SNED1: variants seen among roughly 807,000 people sequenced by gnomAD.
The protein encoded by SNED1 is sushi, nidogen and EGF like domains 1, also known as sushi, nidogen and EGF-like domain-containing protein 1.
Under a neutral mutation model 166.7 loss-of-function variants are expected in SNED1, and 81 were observed. The ratio of observed to expected loss-of-function variants is 0.49; its 90% CI spans 0.41 to 0.58. The LOEUF (loss-of-function observed/expected upper bound fraction) is 0.58, where lower values mean the gene tolerates loss of function less well. Among genes scored for constraint, SNED1 ranks in the 20% least tolerant of loss-of-function variants. The probability of loss-of-function intolerance (pLI) is 0.00; values close to 1 mark genes in which losing one functional copy is unlikely to be tolerated. For synonymous variants in SNED1, 762 were observed against 822.0 expected (o/e 0.93, Z 1.25); for missense variants, 1,604 against 2,000.2 (o/e 0.80, Z 3.78).
At chr2:241,052,652 TA>T (rs1357674859) in intron 15 of SNED1, among the ~76,000 whole-genome samples, 184 bp downstream of exon 15, 1 of 67,356 alleles carries the variant, frequency 1.5e-5, no homozygotes. Flanking sequence ...CCAAGCAGGG[TA>T]CATGGGACAC....
At chr2:241,027,968 C>T (rs530882888) in intron 1 of SNED1, among the ~76,000 whole-genome samples, 156 of 152,160 alleles carry the variant, frequency 1.0e-3, no homozygotes, top group South Asian at 4.8e-3. Flanking sequence ...CTCCTGACCT[C>T]GTGATCCACC....
chr2:241,081,803 G>A lies in SNED1; in HGVS notation c.4033+10G>A, dbSNP rs2063340902. On this transcript the variant is annotated intron_variant, in intron 28 of 31. Coordinates refer to ENST00000310397, the MANE Select transcript of SNED1 (RefSeq NM_001080437.3). ...AGACGCTGCGAGCTCGGTAAGTCGG[G>A]GCTTGGCCTCAGGGCGCCCCTTCCA... The A allele has an allele frequency of 6.4e-7, 1 of 1,562,734 alleles. No homozygotes were observed. The highest frequency in any genetic ancestry group is 1.9e-5 in the Admixed American group (1 of 52,940).
At position 241,037,348 on chromosome 2, in the gene SNED1, A is replaced by C; in HGVS notation, c.1040A>C (p.Glu347Ala). Residue 347 changes from glutamate (E) to alanine (A), a missense_variant, in exon 6 of 32, where the codon GAG becomes GCG. Coordinates refer to ENST00000310397, the MANE Select transcript of SNED1 (RefSeq NM_001080437.3). ...GCTGGCTTTGGGGGACCCACCTGTG[A>C]GACAGGTAAGAGGAACCCACCGGGG... is the stretch of plus-strand genomic sequence containing the variant. ...CPAGFGGPTCETAQSPCDTKE... is the reference protein window; with the variant it reads ...CPAGFGGPTCATAQSPCDTKE... 1 of 1,604,304 alleles carries C rather than the reference A, an allele frequency of 6.2e-7. No homozygotes were observed. Among genetic ancestry groups the C allele is most frequent in the South Asian group, 1.1e-5 (1 of 89,332 alleles).
At chr2:241,034,270 C>T (rs1263767429) in intron 3 of SNED1, among the ~76,000 whole-genome samples, 4 of 152,200 alleles carry the variant, frequency 2.6e-5, no homozygotes, top group Non-Finnish European at 4.4e-5. Flanking sequence ...TCCCCAGGCC[C>T]GAGAGTGCCT....
rs910650033 is a variant in SNED1 at position 241,092,473 on chromosome 2, C to G, written c.*837C>G. ...GGCCCATGGGCCTTATTTGGTGAAC[C>G]CTGTTCTATGAGATCACCTAGGCTT... On this transcript the variant is annotated 3_prime_UTR_variant, in exon 32 of 32. Transcript: ENST00000310397. This position sits in a 1 kb window ranked among gnomAD's most constrained non-coding sequence, Gnocchi z 4.6. The G allele has an allele frequency of 4.6e-5, 7 of 152,132 alleles. No homozygotes were observed. Among genetic ancestry groups the G allele is most frequent in the African/African-American group, 9.7e-5 (4 of 41,422 alleles). The allele number at this position is 152,132 out of a possible 1,614,324, so 9.4% of individuals were successfully genotyped here. A position where few individuals can be genotyped will look rare whatever the true frequency, so the allele number is the denominator to read the frequency against.
At position 241,053,259 on chromosome 2, in the gene SNED1, G is replaced by A; in HGVS notation, c.2190G>A (p.Leu730=). 6.2e-7 allele frequency: 1 copy of A among 1,605,184 alleles called. No homozygotes were observed. Among genetic ancestry groups the A allele is most frequent in the Non-Finnish European group, 8.5e-7 (1 of 1,176,480 alleles). The change falls in exon 16 of 32, where the codon CTG becomes CTA. Residue 730 remains leucine, a synonymous_variant. Transcript: ENST00000310397. ...ATGCATGTGACCGTGGCTACAGCCT[G>A]AGCGCCCCCAGCCGCATCCGGGTCT... The part of the protein sequence containing the change: ...ALYACDRGYS[L]SAPSRIRVCQ...
At position 241,051,541 on chromosome 2, in the gene SNED1, G is replaced by A. The variant is rs536963523; in HGVS notation, c.1736-203G>A. On this transcript the variant is annotated intron_variant, in intron 12 of 31. Transcript: ENST00000310397. This position sits in a 1 kb window ranked among gnomAD's most constrained non-coding sequence, Gnocchi z 4.7. ...AAGCAAAGGGCCCACCTGTGACTGA[G>A]TTGGGGTCTCCAGCCTGTGAGCCCC... 8.9e-6 allele frequency: 4 copies of A among 449,316 alleles called. No homozygotes were observed. The South Asian group carries it at 1.7e-4, about 20-fold the overall frequency. 27.8% of individuals were successfully genotyped at this position (449,316 alleles called of 1,614,324 possible).
intron 1 of SNED1, among the ~76,000 whole-genome samples, chr2:241,017,393 C>T (rs1175900353): frequency 2.0e-5 from 3 of 152,244 alleles, no homozygotes; most frequent in East Asian, 3.9e-4. Context: ...AGTGGGTTTA[C>T]ATCACAGCCA....
rs1355918461 is a variant in SNED1, at chr2:241,071,615, G to A, written c.3629G>A (p.Gly1210Glu). ...DGADRRWHQG[G>E]HHPRVLKNRP... The stretch of plus-strand genomic sequence containing the variant: ...GCTGACAGACGCTGGCACCAGGGAG[G>A]ACACCACCCTCGGGTGCTCAAGAAC... Residue 1210 changes from glycine (G) to glutamate (E), a missense_variant, in exon 25 of 32, where the codon GGA becomes GAA. Physicochemically the swap from Gly to Glu is moderately conservative, Grantham distance 98 (BLOSUM62 -2). Transcript: ENST00000310397. The A allele has an allele frequency of 6.3e-7, 1 of 1,587,826 alleles. No individual in the cohort carries two copies. Among genetic ancestry groups the A allele is most frequent in the Non-Finnish European group, 8.5e-7 (1 of 1,174,336 alleles).
At chr2:241,082,221 G>A (rs2063362102) in intron 28 of SNED1, 56 bp from the exon 29 acceptor site, 1 of 1,425,908 alleles carries the variant, frequency 7.0e-7, no homozygotes, top group African/African-American at 1.4e-5. Context: ...CCTCTCAAGA[G>A]GGGCAGGAGG....
At chr2:241,024,348 C>T (rs1175674491) in intron 1 of SNED1, among the ~76,000 whole-genome samples, 2 of 139,822 alleles carry the variant, frequency 1.4e-5, no homozygotes, top group Non-Finnish European at 3.0e-5. Flanking sequence ...CAGGTTCAAG[C>T]AATTCTCCTG....
At chr2:241,009,817 G>A (rs920938328) in intron 1 of SNED1, among the ~76,000 whole-genome samples, 1 of 125,796 alleles carries the variant, frequency 7.9e-6, no homozygotes, top group Non-Finnish European at 1.5e-5. Context: ...TTCCCCGGAG[G>A]CGTCCCATGT....
chr2:241,036,502 G>A (rs1015474811), intron 4 of SNED1, among the ~76,000 whole-genome samples: 2 of 152,104 alleles, frequency 1.3e-5, no homozygotes, highest in African/African-American at 2.4e-5. Context: ...CCACGGCAGC[G>A]CTGAGAGGGA....
chr2:240,998,755 G>A lies in SNED1; in HGVS notation c.-83G>A. The A allele has an allele frequency of 1.7e-6, 1 of 591,882 alleles. No individual in the cohort carries two copies. The highest frequency in any genetic ancestry group is 2.1e-6 in the Non-Finnish European group (1 of 467,822). The allele number at this position is 591,882 out of a possible 1,614,324, so 36.7% of individuals were successfully genotyped here. The stretch of plus-strand genomic sequence containing the variant: ...GCCCGCGCTCCCCGCACCCCGCCTG[G>A]CCCTGCCGGCCACCCCCGCGCGCAG... On this transcript the variant is annotated 5_prime_UTR_variant, in exon 1 of 32. Coordinates refer to ENST00000310397, the MANE Select transcript of SNED1 (RefSeq NM_001080437.3).
intron 15 of SNED1, 34 bp from the exon 16 acceptor site, chr2:241,053,119 A>C: frequency 1.9e-6 from 3 of 1,589,118 alleles, no homozygotes; most frequent in Non-Finnish European, 2.6e-6. Context: ...AGGAAGGCAC[A>C]GGACCGTGCG....
intron 16 of SNED1, among the ~76,000 whole-genome samples, chr2:241,059,843 C>T (rs1174274923): frequency 6.6e-6 from 1 of 152,114 alleles, no homozygotes; most frequent in Non-Finnish European, 1.5e-5. Context: ...ACCTGGAATC[C>T]GTACAAGGCA....
Position 241,082,315 on chromosome 2 carries a change from T to C in SNED1, c.4072T>C (p.Ser1358Pro), listed in dbSNP as rs778680870. The change falls in exon 29 of 32, where the codon TCC becomes CCC. Residue 1358 changes from serine (S) to proline (P), a missense_variant. Around this residue, in one of 2 missense-constraint regions of SNED1, gnomAD observed 367 missense variants for 379.4 expected, o/e 0.97. Coordinates refer to ENST00000310397, the MANE Select transcript of SNED1 (RefSeq NM_001080437.3). ...KVSRPCTRLF[S>P]ETKAFPVWEG... is the part of the protein sequence containing the mutation. ...GTCCCGCCCCTGCACAAGGCTGTTCTCCGAGACAAAGGCCTTTCCAGTCTG... is the reference window on the plus strand; with the variant it reads ...GTCCCGCCCCTGCACAAGGCTGTTCCCCGAGACAAAGGCCTTTCCAGTCTG... 6.2e-7 allele frequency: 1 copy of C among 1,613,644 alleles called. No homozygotes were observed. Among genetic ancestry groups the C allele is most frequent in the Non-Finnish European group, 8.5e-7 (1 of 1,179,582 alleles).
In SNED1 at chr2:241,073,113, G is replaced by A. The variant is rs899351431; in HGVS notation, c.3818-153G>A. On this transcript the variant is annotated intron_variant, in intron 26 of 31. Transcript: ENST00000310397. This position sits in a 1 kb window ranked among gnomAD's most constrained non-coding sequence, Gnocchi z 6.6. ...CCAGCCCTTCAGGGGAGGCAGCTCT[G>A]GGGCCGACAGGTGCTGGGGCCACGC... is the stretch of plus-strand genomic sequence containing the variant. 48 of 606,246 alleles carry A rather than the reference G, an allele frequency of 7.9e-5. No individual in the cohort carries two copies. The highest frequency in any genetic ancestry group is 1.5e-5 in the Non-Finnish European group (5 of 343,016). The allele number at this position is 606,246 out of a possible 1,614,324, so 37.6% of individuals were successfully genotyped here. A position where few individuals can be genotyped will look rare whatever the true frequency, so the allele number is the denominator to read the frequency against.
At position 241,069,641 on chromosome 2, in the gene SNED1, G is replaced by A. The variant is rs566301633; in HGVS notation, c.3308-279G>A. On this transcript the variant is annotated intron_variant, in intron 23 of 31. Transcript: ENST00000310397. This position sits in a 1 kb window ranked among gnomAD's most constrained non-coding sequence, Gnocchi z 4.9. ...CAGGCTCAGGGGAACCGACTGTGCC[G>A]CAGGGAGGGCGCCAGCTGACGGGCC... Among the ~76,000 whole-genome samples, 6 of 152,284 alleles carry A rather than the reference G, an allele frequency of 3.9e-5. No homozygotes were observed. Among genetic ancestry groups the A allele is most frequent in the African/African-American group, 1.2e-4 (5 of 41,546 alleles).
Sources: allele counts gnomAD v4.1 joint callset (sites outside exome capture counted in the v4.1 genomes callset), GRCh38; gene constraint gnomAD v4.1.1; regional missense constraint gnomAD v4.1.1; non-coding constraint Gnocchi (gnomAD v3.1); transcripts MANE v1.5; gene names NCBI Gene and HGNC (gene_info 2026-07-23, HGNC 2026-07-21).